The following LEPR variants were observed in gnomAD, a reference collection of about 807,000 sequenced individuals.
LEPR encodes OB receptor.
In LEPR, 56 loss-of-function variants were observed where a neutral mutation model predicts 114.7. That is an observed-to-expected ratio of 0.49 (90% CI 0.39 to 0.61). The LOEUF is 0.61. Ranked by LOEUF, LEPR falls within the 20% of genes least tolerant of loss-of-function variation. LEPR has a pLI of 0.00. For missense variants in LEPR, 1,202 were observed against 1,352.9 expected, an observed-to-expected ratio of 0.89 and a Z score of 1.75; for synonymous variants, 443 against 461.4, an observed-to-expected ratio of 0.96 and a Z score of 0.51.
chr1:65,449,684 C>CTT (rs370512340), intron 2 of LEPR, among the ~76,000 whole-genome samples: 4 of 139,918 alleles, frequency 2.9e-5, no homozygotes, highest in African/African-American at 7.8e-5. Flanking sequence ...GCCTATTTAT[C>CTT]TTTTTTTTTT....
At chr1:65,507,660 A>G (rs1648826007) in intron 2 of LEPR, among the ~76,000 whole-genome samples, 1 of 151,830 alleles carries the variant, frequency 6.6e-6, no homozygotes, top group Admixed American at 6.6e-5. Flanking sequence ...AGGAGTGCAG[A>G]CATCTCTTTG....
At chr1:65,488,756 C>A (rs1647712024) in intron 2 of LEPR, among the ~76,000 whole-genome samples, 1 of 151,820 alleles carries the variant, frequency 6.6e-6, no homozygotes, top group Non-Finnish European at 1.5e-5. Flanking sequence ...CCACCCCCTA[C>A]CACTCCCACC....
intron 2 of LEPR, chr1:65,432,318 T>A: frequency 1.0e-6 from 1 of 990,968 alleles, no homozygotes; most frequent in Non-Finnish European, 1.2e-6. Context: ...CCTCTTTGTG[T>A]TGTAGTCCAT....
At chr1:65,435,341 T>C (rs1646544053) in intron 2 of LEPR, 1 of 978,348 alleles carries the variant, frequency 1.0e-6, no homozygotes, top group Non-Finnish European at 1.2e-6. Flanking sequence ...GCTTAGGTGG[T>C]GTCACAAAAT....
intron 17 of LEPR, 85 bp from the exon 18 acceptor site, chr1:65,621,268 A>AAAATG (rs1657866586): frequency 8.6e-7 from 1 of 1,160,882 alleles, no homozygotes; most frequent in African/African-American, 1.5e-5. Context: ...ATGAATTCAG[A>AAAATG]AAATGTCTAC....
intron 2 of LEPR, among the ~76,000 whole-genome samples, chr1:65,551,199 A>C (rs1443742246): frequency 6.6e-6 from 1 of 152,000 alleles, no homozygotes; most frequent in South Asian, 2.1e-4. Flanking sequence ...TGTCTATGCC[A>C]GGTTTTAGTA....
At position 65,633,603 on chromosome 1, in the gene LEPR, T is replaced by C. The variant is rs1658608803; in HGVS notation, c.2674-2588T>C. The C allele has an allele frequency of 3.0e-6, 3 of 986,716 alleles. No homozygotes were observed. Among genetic ancestry groups the C allele is most frequent in the Non-Finnish European group, 3.6e-6 (3 of 829,456 alleles). The allele number at this position is 986,716 out of a possible 1,614,324, so 61.1% of individuals were successfully genotyped here. A position where few individuals can be genotyped will look rare whatever the true frequency, so the allele number is the denominator to read the frequency against. ...ACAAATAGCTTTAAAAATACAATGA[T>C]TATAAGTATGGAATCAGTGAAAATA... On this transcript the variant is annotated intron_variant, in intron 19 of 19. Coordinates refer to ENST00000349533, the MANE Select transcript of LEPR (RefSeq NM_002303.6). The surrounding 1 kb of genome is among the most constrained non-coding windows in gnomAD (Gnocchi z 4.1).
At chr1:65,528,520 T>A (rs1452729289) in intron 2 of LEPR, among the ~76,000 whole-genome samples, 12 of 152,050 alleles carry the variant, frequency 7.9e-5, no homozygotes, top group African/African-American at 2.9e-4. Context: ...TTACCTGTTA[T>A]CATCACACAT....
chr1:65,473,620 G>A (rs1019047279), intron 2 of LEPR, among the ~76,000 whole-genome samples: 1 of 152,148 alleles, frequency 6.6e-6, no homozygotes, highest in Non-Finnish European at 1.5e-5. Flanking sequence ...ACATTCATTA[G>A]CTGTCAGATT....
intron 2 of LEPR, chr1:65,430,052 A>G (rs775518552): frequency 6.4e-7 from 1 of 1,552,268 alleles, no homozygotes; most frequent in East Asian, 2.3e-5. Flanking sequence ...GGCTGTGGTA[A>G]GTTTTATTTT....
At chr1:65,522,605 C>T (rs1053329928) in intron 2 of LEPR, among the ~76,000 whole-genome samples, 2 of 152,086 alleles carry the variant, frequency 1.3e-5, no homozygotes, top group Non-Finnish European at 1.5e-5. Context: ...CAAGAAGTGG[C>T]GTATCAATAT....
At chr1:65,580,723 A>G (rs1021491014) in intron 5 of LEPR, among the ~76,000 whole-genome samples, 5 of 152,230 alleles carry the variant, frequency 3.3e-5, no homozygotes, top group Admixed American at 1.3e-4. Context: ...TGGTAAAAAC[A>G]GAAGACATAA....
At chr1:65,565,668 A>T in intron 3 of LEPR, 63 bp downstream of exon 3, 1 of 1,575,950 alleles carries the variant, frequency 6.3e-7, no homozygotes, top group East Asian at 2.2e-5. Flanking sequence ...TTGCCTTTAG[A>T]GATGCTGTTT....
chr1:65,603,854 A>C (rs1202066691), intron 10 of LEPR, among the ~76,000 whole-genome samples: 2 of 152,062 alleles, frequency 1.3e-5, no homozygotes, highest in Non-Finnish European at 2.9e-5. Flanking sequence ...CTCACTTATA[A>C]AATTTTTTTT....
chr1:65,575,196 A>G (rs1388804903), intron 5 of LEPR, among the ~76,000 whole-genome samples: 1 of 152,170 alleles, frequency 6.6e-6, no homozygotes, highest in East Asian at 1.9e-4. Context: ...GTCTCTTTCT[A>G]GCTCCCCCAC....
At chr1:65,559,871 C>A (rs1653173316) in intron 2 of LEPR, among the ~76,000 whole-genome samples, 1 of 133,750 alleles carries the variant, frequency 7.5e-6, no homozygotes, top group Admixed American at 7.1e-5. Context: ...AGGTATGCGG[C>A]ATTATTTCTG....
At chr1:65,599,229 A>G (rs897874858) in intron 8 of LEPR, among the ~76,000 whole-genome samples, 8 of 152,046 alleles carry the variant, frequency 5.3e-5, no homozygotes, top group Admixed American at 1.3e-4. Flanking sequence ...TTCAGTGCCA[A>G]TGTTCATATT....
Position 65,610,198 on chromosome 1 carries a change from A to G in LEPR, c.1913-16A>G, listed in dbSNP as rs766130316. 1.9e-6 allele frequency: 3 copies of G among 1,614,098 alleles called. No individual in the cohort carries two copies. The highest frequency in any genetic ancestry group is 4.5e-5 in the East Asian group (2 of 44,864). ...GTATTTCTTCAAAAACATATACACA[A>G]CTTGTCATTTTGCAGTTCCTATGAG... On this transcript the variant is annotated splice_polypyrimidine_tract_variant and intron_variant, in intron 13 of 19. Coordinates refer to ENST00000349533, the MANE Select transcript of LEPR (RefSeq NM_002303.6).
At chr1:65,510,959 C>G (rs1200998014) in intron 2 of LEPR, among the ~76,000 whole-genome samples, 1 of 152,044 alleles carries the variant, frequency 6.6e-6, no homozygotes, top group Non-Finnish European at 1.5e-5. Flanking sequence ...GGGGGAGGAG[C>G]AATAGACACT....
Sources: allele counts gnomAD v4.1 joint callset (sites outside exome capture counted in the v4.1 genomes callset), GRCh38; gene constraint gnomAD v4.1.1; non-coding constraint Gnocchi (gnomAD v3.1); transcripts MANE v1.5; gene names NCBI Gene and HGNC (gene_info 2026-07-23, HGNC 2026-07-21).